The following UNC5B variants were observed in gnomAD, a reference collection of about 807,000 sequenced individuals.
UNC5B encodes netrin receptor UNC5B.
A neutral mutation model predicts 103.7 loss-of-function variants in UNC5B; 56 were observed. That is an observed-to-expected ratio of 0.54 (90% CI 0.44 to 0.67). UNC5B has a LOEUF of 0.67. Among genes scored for constraint, UNC5B ranks in the 30% least tolerant of loss-of-function variants. The probability of loss-of-function intolerance (pLI) is 0.00; values close to 1 mark genes in which losing one functional copy is unlikely to be tolerated. For synonymous variants in UNC5B, 577 were observed against 542.0 expected, an observed-to-expected ratio of 1.06 and a Z score of -0.90; for missense variants, 1,194 against 1,284.5, an observed-to-expected ratio of 0.93 and a Z score of 1.08.
intron 1 of UNC5B, among the ~76,000 whole-genome samples, chr10:71,243,294 T>G (rs1843950495): frequency 6.6e-6 from 1 of 152,008 alleles, no homozygotes; most frequent in African/African-American, 2.4e-5. Context: ...AGAAAGAGCC[T>G]GGGCTTCAGA....
chr10:71,213,145 G>T lies in UNC5B; in HGVS notation c.79+81G>T. 2 of 1,127,682 alleles carry T rather than the reference G, an allele frequency of 1.8e-6. No homozygotes were observed. Among genetic ancestry groups the T allele is most frequent in the Non-Finnish European group, 2.3e-6 (2 of 888,288 alleles). 69.9% of individuals were successfully genotyped at this position (1,127,682 alleles called of 1,614,324 possible). A position where few individuals can be genotyped will look rare whatever the true frequency, so the allele number is the denominator to read the frequency against. Reference sequence around the variant, plus strand: ...TGTCCTGAAGTTGAGGTGGTCTTTCGTCGCATCGATGCGCGCAGGAAAAGC... The same window carrying T: ...TGTCCTGAAGTTGAGGTGGTCTTTCTTCGCATCGATGCGCGCAGGAAAAGC... On this transcript the variant is annotated intron_variant, in intron 1 of 16. Transcript: ENST00000335350. This position sits in a 1 kb window ranked among gnomAD's most constrained non-coding sequence, Gnocchi z 4.1.
intron 2 of UNC5B, among the ~76,000 whole-genome samples, chr10:71,281,426 C>T (rs963406826): frequency 4.6e-5 from 7 of 152,122 alleles, no homozygotes; most frequent in Middle Eastern, 3.4e-3. Context: ...CTGCAACCTC[C>T]GCCTCCCAGA....
intron 2 of UNC5B, among the ~76,000 whole-genome samples, chr10:71,283,789 T>C (rs557219027): frequency 3.3e-5 from 5 of 151,428 alleles, no homozygotes; most frequent in East Asian, 2.0e-4. Flanking sequence ...GGTCCTGTTA[T>C]GTAGGGAGTT....
chr10:71,242,629 C>T (rs978603003), intron 1 of UNC5B, among the ~76,000 whole-genome samples: 5 of 152,322 alleles, frequency 3.3e-5, no homozygotes, highest in Admixed American at 3.3e-4. Context: ...AGCCATTGTC[C>T]GTGTGAGACC....
chr10:71,259,183 A>T (rs536964626), intron 1 of UNC5B, among the ~76,000 whole-genome samples: 45 of 152,228 alleles, frequency 3.0e-4, no homozygotes, highest in Non-Finnish European at 5.9e-4. Flanking sequence ...TGAGGTCAGG[A>T]GTTCAAGACC....
intron 1 of UNC5B, among the ~76,000 whole-genome samples, chr10:71,279,318 T>C (rs7086901): frequency 0.78 from 118,858 of 152,220 alleles, 47,970 homozygotes; most frequent in Non-Finnish European, 0.88. Flanking sequence ...CCCTGGCTCC[T>C]GTCCCGCTTG....
At chr10:71,283,871 C>T (rs1844993843) in intron 2 of UNC5B, among the ~76,000 whole-genome samples, 1 of 152,176 alleles carries the variant, frequency 6.6e-6, no homozygotes, top group African/African-American at 2.4e-5. Context: ...CAGCTCCAGG[C>T]CCACAGGGCC....
chr10:71,234,232 G>C (rs1007033713), intron 1 of UNC5B, among the ~76,000 whole-genome samples: 5 of 152,246 alleles, frequency 3.3e-5, no homozygotes, highest in African/African-American at 1.2e-4. Flanking sequence ...TTTGGAGCCT[G>C]ATTAGGGCCT....
chr10:71,300,841 C>T lies in UNC5B; in HGVS notation c.*1564C>T, dbSNP rs868137962. 1.1e-4 allele frequency: 17 copies of T among 152,424 alleles called. No homozygotes were observed. Among genetic ancestry groups the T allele is most frequent in the African/African-American group, 2.9e-4 (12 of 41,590 alleles). The allele number at this position is 152,424 out of a possible 1,614,324, so 9.4% of individuals were successfully genotyped here. A position where few individuals can be genotyped will look rare whatever the true frequency, so the allele number is the denominator to read the frequency against. The stretch of plus-strand genomic sequence containing the variant: ...TCCCAGCTCTGATCTCCACAGGCAC[C>T]TCCTATAACCCTCCTCTCACCCACC... On this transcript the variant is annotated 3_prime_UTR_variant, in exon 17 of 17. Transcript: ENST00000335350.
intron 1 of UNC5B, among the ~76,000 whole-genome samples, chr10:71,267,894 G>C (rs1844556191): frequency 6.6e-6 from 1 of 152,258 alleles, no homozygotes; most frequent in Admixed American, 6.5e-5. Context: ...TGGCCTGCAT[G>C]CCAGGATGCC....
rs143956220 is a variant in UNC5B at position 71,221,329 on chromosome 10, C to A, written c.79+8265C>A. 2.4e-3 allele frequency among the ~76,000 whole-genome samples: 373 copies of A among 152,322 alleles called. 2 individuals are homozygous for A. The highest frequency in any genetic ancestry group is 8.5e-3 in the African/African-American group (355 of 41,568). ...GTGCGAGAAGGGGCCTGTGGTCCCC[C>A]CCCTTGTCACCCACTCCGAAGCTCA... is the stretch of plus-strand genomic sequence containing the variant. On this transcript the variant is annotated intron_variant, in intron 1 of 16. Coordinates refer to ENST00000335350, the MANE Select transcript of UNC5B (RefSeq NM_170744.5).
At chr10:71,223,992 A>C (rs1843505358) in intron 1 of UNC5B, among the ~76,000 whole-genome samples, 1 of 152,192 alleles carries the variant, frequency 6.6e-6, no homozygotes, top group South Asian at 2.1e-4. Flanking sequence ...GGGTGGCATC[A>C]TGTCCAGTAC....
At position 71,212,769 on chromosome 10, in the gene UNC5B, G is replaced by C. The variant is rs1843252733; in HGVS notation, c.-217G>C. 2 of 356,506 alleles carry C rather than the reference G, an allele frequency of 5.6e-6. No homozygotes were observed. The highest frequency in any genetic ancestry group is 1.0e-5 in the Non-Finnish European group (2 of 199,978). 22.1% of individuals were successfully genotyped at this position (356,506 alleles called of 1,614,324 possible). ...AGCCAGAGGGGCGCGCCGGAGCCTC[G>C]TTCGAGAGCCGGCGCCAGGCACCCA... On this transcript the variant is annotated 5_prime_UTR_variant, in exon 1 of 17. Transcript: ENST00000335350.
chr10:71,271,740 G>A (rs1282185273), intron 1 of UNC5B, among the ~76,000 whole-genome samples: 1 of 152,214 alleles, frequency 6.6e-6, no homozygotes, highest in Non-Finnish European at 1.5e-5. Flanking sequence ...CGAGGGAGAC[G>A]TTTCACAGGA....
intron 1 of UNC5B, among the ~76,000 whole-genome samples, chr10:71,274,092 G>A (rs1182332649): frequency 1.3e-5 from 2 of 152,226 alleles, no homozygotes; most frequent in Admixed American, 1.3e-4. Context: ...GCTGGGTGCG[G>A]TGGCTCATGC....
rs11332290 is a variant in UNC5B at position 71,281,342 on chromosome 10, ATT to A, written c.304+1311_304+1312del. Among the ~76,000 whole-genome samples the A allele has an allele frequency of 7.0e-3, 1,030 of 146,482 alleles. 15 individuals are homozygous for A. The highest frequency in any genetic ancestry group is 0.025 in the African/African-American group (980 of 39,886). On this transcript the variant is annotated intron_variant, in intron 2 of 16. Coordinates refer to ENST00000335350, the MANE Select transcript of UNC5B (RefSeq NM_170744.5). ...CCAAAATATAAAAATGGAAAAAGGA[ATT>A]TTTTTTTTTTTTTGGAGACAGAGTC...
chr10:71,230,210 G>A (rs1843656149), intron 1 of UNC5B, among the ~76,000 whole-genome samples: 1 of 152,146 alleles, frequency 6.6e-6, no homozygotes, highest in Non-Finnish European at 1.5e-5. Context: ...GAACTCAGCT[G>A]TGATTAGGAG....
At chr10:71,283,951 T>G (rs1040649477) in intron 2 of UNC5B, among the ~76,000 whole-genome samples, 2 of 152,152 alleles carry the variant, frequency 1.3e-5, no homozygotes, top group African/African-American at 2.4e-5. Flanking sequence ...TGCCAAGCCC[T>G]GGGCCACAGC....
intron 7 of UNC5B, 87 bp from the exon 8 acceptor site, chr10:71,288,871 C>CATCTG (rs1845169863): frequency 1.9e-6 from 3 of 1,565,304 alleles, no homozygotes; most frequent in Non-Finnish European, 2.6e-6. Flanking sequence ...CCACATCCAT[C>CATCTG]ATCTCATCTC....
Sources: gnomAD v4.1 joint callset for allele counts (sites outside exome capture counted in the v4.1 genomes callset) on GRCh38, gnomAD v4.1.1 for gene constraint, Gnocchi (gnomAD v3.1) non-coding constraint, MANE v1.5 for transcripts, NCBI Gene and HGNC (gene_info 2026-07-23, HGNC 2026-07-21) for gene names.